Variants in OR2AP1 observed in about 807,000 individuals in gnomAD.
OR2AP1 encodes the protein olfactory receptor family 2 subfamily AP member 1.
Under a neutral mutation model 13.9 loss-of-function variants are expected in OR2AP1, and 20 were observed. The ratio of observed to expected loss-of-function variants is 1.44; its 90% CI spans 1.01 to 2.09. The LOEUF is 2.09. Ranked by LOEUF, OR2AP1 falls within the 30% of genes most tolerant of loss-of-function variation. The probability of loss-of-function intolerance (pLI) is 0.00; values close to 1 mark genes in which losing one functional copy is unlikely to be tolerated. For missense variants in OR2AP1, 490 were observed against 360.6 expected, an observed-to-expected ratio of 1.36 and a Z score of -2.91; for synonymous variants, 174 against 137.0, an observed-to-expected ratio of 1.27 and a Z score of -1.89.
At position 55,575,278 on chromosome 12, in the gene OR2AP1, C is replaced by T. The variant is rs1314737674; in HGVS notation, c.864C>T (p.Tyr288=). The T allele has an allele frequency of 3.2e-6, 5 of 1,540,290 alleles. No individual in the cohort carries two copies. In the Admixed American group the frequency reaches 5.8e-5, roughly 18 times the overall value. The stretch of plus-strand genomic sequence containing the variant: ...CTCCTTTGTTGAACCCCTTTATTTA[C>T]ACCCTAAGGAACCAACAGGTAAAAC... ...SVAPLLNPFI[Y]TLRNQQVKQP... is the part of the protein sequence containing the mutation. The change falls in exon 2 of 2, where the codon TAC becomes TAT. Residue 288 remains tyrosine (Y), a synonymous_variant. Coordinates refer to ENST00000641114, the MANE Select transcript of OR2AP1 (RefSeq NM_001258285.2).
In OR2AP1 at chr12:55,575,224, G is replaced by A. The variant is rs562165640; in HGVS notation, c.810G>A (p.Lys270=). The part of the protein sequence containing the change: ...PSAKEGDTFN[K]GVALLITSVA... Reference sequence around the variant, plus strand: ...CAAAAGAAGGGGATACATTCAACAAGGGAGTAGCTCTACTCATTACTTCAG... The same window carrying A: ...CAAAAGAAGGGGATACATTCAACAAAGGAGTAGCTCTACTCATTACTTCAG... The change falls in exon 2 of 2, where the codon AAG becomes AAA. Residue 270 remains lysine, a synonymous_variant. Coordinates refer to ENST00000641114, the MANE Select transcript of OR2AP1 (RefSeq NM_001258285.2). The A allele has an allele frequency of 2.9e-5, 45 of 1,578,428 alleles. No individual in the cohort carries two copies. The African/African-American group carries it at 5.0e-4, about 17-fold the overall frequency.
chr12:55,574,354 T>C lies in OR2AP1; in HGVS notation c.-61T>C. The C allele has an allele frequency of 2.4e-6, 2 of 840,242 alleles. No homozygotes were observed. Among genetic ancestry groups the C allele is most frequent in the Non-Finnish European group, 1.8e-6 (1 of 549,500 alleles). The allele number at this position is 840,242 out of a possible 1,614,324, so 52.0% of individuals were successfully genotyped here. A position where few individuals can be genotyped will look rare whatever the true frequency, so the allele number is the denominator to read the frequency against. Reference sequence around the variant, plus strand: ...CATCCGTTCATTTCAGAGCACCTCTTCCTTTCTCACTTTTGATTACTACTC... The same window carrying C: ...CATCCGTTCATTTCAGAGCACCTCTCCCTTTCTCACTTTTGATTACTACTC... On this transcript the variant is annotated 5_prime_UTR_variant, in exon 2 of 2. Transcript: ENST00000641114.
Position 55,574,857 on chromosome 12 carries a change from T to G in OR2AP1, c.443T>G (p.Leu148Arg). 6.4e-7 allele frequency: 1 copy of G among 1,568,990 alleles called. No homozygotes were observed. ...ICIQLIFCSW[L>R]GGLMAIIPTI... is the part of the protein sequence containing the mutation. Reference sequence around the variant, plus strand: ...ATCCAGCTGATTTTCTGCTCTTGGCTGGGTGGGCTAATGGCTATTATACCA... The same window carrying G: ...ATCCAGCTGATTTTCTGCTCTTGGCGGGGTGGGCTAATGGCTATTATACCA... The change falls in exon 2 of 2, where the codon CTG (leucine) becomes CGG (arginine). Residue 148 changes from leucine to arginine, a missense_variant. Leu to Arg is a moderately radical substitution (Grantham distance 102, BLOSUM62 -2). Coordinates refer to ENST00000641114, the MANE Select transcript of OR2AP1 (RefSeq NM_001258285.2).
In OR2AP1 at chr12:55,575,442, G is replaced by A; in HGVS notation, c.*98G>A. 3.1e-6 allele frequency: 2 copies of A among 652,564 alleles called. No individual in the cohort carries two copies. The highest frequency in any genetic ancestry group is 4.0e-5 in the South Asian group (2 of 50,108). The allele number at this position is 652,564 out of a possible 1,614,324, so 40.4% of individuals were successfully genotyped here. On this transcript the variant is annotated 3_prime_UTR_variant, in exon 2 of 2. Transcript: ENST00000641114. ...ATGATAGACTGGATTAAGAAAATAT[G>A]GCACATATACACCATGGAATACTAT...
At chr12:55,573,925 G>A (rs768671833) in intron 1 of OR2AP1, among the ~76,000 whole-genome samples, 9 of 152,020 alleles carry the variant, frequency 5.9e-5, no homozygotes, top group Non-Finnish European at 1.2e-4. Context: ...AGAAAAATGA[G>A]AAATTGCTAT....
rs752292621 is a variant in OR2AP1 at position 55,575,226 on chromosome 12, G to T, written c.812G>T (p.Gly271Val). 6.3e-7 allele frequency: 1 copy of T among 1,577,302 alleles called. No homozygotes were observed. The highest frequency in any genetic ancestry group is 8.6e-7 in the Non-Finnish European group (1 of 1,166,860). Residue 271 changes from glycine to valine, a missense_variant, in exon 2 of 2, where the codon GGA (glycine) becomes GTA (valine). By Grantham distance (109) the Gly-to-Val change is moderately radical. Coordinates refer to ENST00000641114, the MANE Select transcript of OR2AP1 (RefSeq NM_001258285.2). ...AAAGAAGGGGATACATTCAACAAGGGAGTAGCTCTACTCATTACTTCAGTT... is the reference window on the plus strand; with the variant it reads ...AAAGAAGGGGATACATTCAACAAGGTAGTAGCTCTACTCATTACTTCAGTT... ...SAKEGDTFNKGVALLITSVAP... is the reference protein window; with the variant it reads ...SAKEGDTFNKVVALLITSVAP...
rs528538550 is a variant in OR2AP1 at position 55,574,844 on chromosome 12, T to A, written c.430T>A (p.Phe144Ile). 1 of 1,584,722 alleles carries A rather than the reference T, an allele frequency of 6.3e-7. No homozygotes were observed. Among genetic ancestry groups the A allele is most frequent in the South Asian group, 1.1e-5 (1 of 87,498 alleles). The stretch of plus-strand genomic sequence containing the variant: ...CAGCAGAATCTGCATCCAGCTGATT[T>A]TCTGCTCTTGGCTGGGTGGGCTAAT... The part of the protein sequence containing the change: ...MSSRICIQLI[F>I]CSWLGGLMAI... The change falls in exon 2 of 2, where the codon TTC (phenylalanine) becomes ATC (isoleucine). Residue 144 changes from phenylalanine (F) to isoleucine (I), a missense_variant. Coordinates refer to ENST00000641114, the MANE Select transcript of OR2AP1 (RefSeq NM_001258285.2).
rs575853225 is a variant in OR2AP1, at chr12:55,574,785, T to G, written c.371T>G (p.Ile124Ser). ...ATGTCCTATGACCGCTATGTGGCCA[T>G]CTGCAAACCTCTGCATTACACCACC... is the stretch of plus-strand genomic sequence containing the variant. Reference protein sequence around the residue: ...AAMSYDRYVAICKPLHYTTIM... With the variant: ...AAMSYDRYVASCKPLHYTTIM... The change falls in exon 2 of 2, where the codon ATC becomes AGC. Residue 124 changes from isoleucine (I) to serine (S), a missense_variant. Transcript: ENST00000641114. The G allele has an allele frequency of 1.1e-5, 17 of 1,607,922 alleles. No individual in the cohort carries two copies. In the Admixed American group the frequency reaches 2.0e-4, roughly 19 times the overall value.
At position 55,575,117 on chromosome 12, in the gene OR2AP1, G is replaced by T. The variant is rs761550919; in HGVS notation, c.703G>T (p.Ala235Ser). 5 of 1,593,758 alleles carry T rather than the reference G, an allele frequency of 3.1e-6. No homozygotes were observed. The highest frequency in any genetic ancestry group is 4.3e-6 in the Non-Finnish European group (5 of 1,174,742). The stretch of plus-strand genomic sequence containing the variant: ...CCCCTCTGCCCAACAAAGGACAAAA[G>T]CCTTTTCCACATGTTCTTCCCACAT... ...KLPSAQQRTKAFSTCSSHMIV... is the reference protein window; with the variant it reads ...KLPSAQQRTKSFSTCSSHMIV... The change falls in exon 2 of 2, where the codon GCC (alanine) becomes TCC (serine). Residue 235 changes from alanine to serine, a missense_variant. Coordinates refer to ENST00000641114, the MANE Select transcript of OR2AP1 (RefSeq NM_001258285.2).
At position 55,575,225 on chromosome 12, in the gene OR2AP1, G is replaced by A. The variant is rs548431182; in HGVS notation, c.811G>A (p.Gly271Arg). 3.4e-5 allele frequency: 53 copies of A among 1,577,992 alleles called. No individual in the cohort carries two copies. Among genetic ancestry groups the A allele is most frequent in the East Asian group, 2.1e-4 (9 of 43,814 alleles). Residue 271 changes from glycine (G) to arginine (R), a missense_variant, in exon 2 of 2, where the codon GGA becomes AGA. Transcript: ENST00000641114. ...AAAAGAAGGGGATACATTCAACAAG[G>A]GAGTAGCTCTACTCATTACTTCAGT... is the stretch of plus-strand genomic sequence containing the variant. ...SAKEGDTFNK[G>R]VALLITSVAP...
Position 55,574,581 on chromosome 12 carries a change from C to A in OR2AP1, c.167C>A (p.Pro56His), listed in dbSNP as rs1171659637. The A allele has an allele frequency of 2.6e-6, 4 of 1,540,374 alleles. No individual in the cohort carries two copies. The highest frequency in any genetic ancestry group is 3.5e-6 in the Non-Finnish European group (4 of 1,148,454). The part of the protein sequence containing the change: ...LTLLDSHLQT[P>H]MYFFLRNFSF... ...TTGCTGGACTCCCACCTTCAGACTC[C>A]CATGTATTTCTTTCTCCGGAACTTC... Residue 56 changes from proline (P) to histidine (H), a missense_variant, in exon 2 of 2, where the codon CCC (proline) becomes CAC (histidine). Pro to His is a moderately conservative substitution (Grantham distance 77). Transcript: ENST00000641114.
chr12:55,574,598 C>T lies in OR2AP1; in HGVS notation c.184C>T (p.Arg62Trp), dbSNP rs779875070. The change falls in exon 2 of 2, where the codon CGG becomes TGG. Residue 62 changes from arginine (R) to tryptophan (W), a missense_variant. Transcript: ENST00000641114. ...HLQTPMYFFL[R>W]NFSFLEISFT... is the part of the protein sequence containing the mutation. ...TCAGACTCCCATGTATTTCTTTCTC[C>T]GGAACTTCTCCTTCTTGGAAATTTC... 41 of 1,540,544 alleles carry T rather than the reference C, an allele frequency of 2.7e-5. No homozygotes were observed. The highest frequency in any genetic ancestry group is 1.7e-4 in the Middle Eastern group (1 of 6,020).
At chr12:55,572,916 T>C (rs953966274) in intron 1 of OR2AP1, among the ~76,000 whole-genome samples, 1 of 152,146 alleles carries the variant, frequency 6.6e-6, no homozygotes, top group Non-Finnish European at 1.5e-5. Context: ...CTCACATCTG[T>C]AATCTCAGCA....
At position 55,575,073 on chromosome 12, in the gene OR2AP1, T is replaced by C. The variant is rs915322798; in HGVS notation, c.659T>C (p.Ile220Thr). The C allele has an allele frequency of 5.2e-6, 8 of 1,552,126 alleles. No individual in the cohort carries two copies. The highest frequency in any genetic ancestry group is 1.7e-4 in the Middle Eastern group (1 of 6,020). The change falls in exon 2 of 2, where the codon ATC becomes ACC. Residue 220 changes from isoleucine (I) to threonine (T), a missense_variant. Transcript: ENST00000641114. ...GTGATTCTCTCCTATGCATTCATTATCAAGACTATTCTGAAGCTCCCCTCT... is the reference window on the plus strand; with the variant it reads ...GTGATTCTCTCCTATGCATTCATTACCAAGACTATTCTGAAGCTCCCCTCT... Reference protein sequence around the residue: ...VLVILSYAFIIKTILKLPSAQ... With the variant: ...VLVILSYAFITKTILKLPSAQ...
At position 55,574,891 on chromosome 12, in the gene OR2AP1, C is replaced by A; in HGVS notation, c.477C>A (p.Thr159=). The part of the protein sequence containing the change: ...GGLMAIIPTI[T]LMSQQDFCAS... ...TAATGGCTATTATACCAACAATCAC[C>A]CTGATGAGTCAGCAGGACTTTTGTG... The change falls in exon 2 of 2, where the codon ACC becomes ACA. Residue 159 remains threonine, a synonymous_variant. Transcript: ENST00000641114. 5 of 1,545,794 alleles carry A rather than the reference C, an allele frequency of 3.2e-6. No individual in the cohort carries two copies. The highest frequency in any genetic ancestry group is 4.4e-6 in the Non-Finnish European group (5 of 1,149,084).
Position 55,574,812 on chromosome 12 carries a change from T to C in OR2AP1, c.398T>C (p.Ile133Thr). ...TGCAAACCTCTGCATTACACCACCATCATGAGCAGCAGAATCTGCATCCAG... is the reference window on the plus strand; with the variant it reads ...TGCAAACCTCTGCATTACACCACCACCATGAGCAGCAGAATCTGCATCCAG... ...AICKPLHYTT[I>T]MSSRICIQLI... Residue 133 changes from isoleucine (I) to threonine (T), a missense_variant, in exon 2 of 2, where the codon ATC becomes ACC. By Grantham distance (89) the Ile-to-Thr change is moderately conservative (BLOSUM62 -1). Coordinates refer to ENST00000641114, the MANE Select transcript of OR2AP1 (RefSeq NM_001258285.2). The C allele has an allele frequency of 1.2e-6, 2 of 1,606,490 alleles. No homozygotes were observed. The highest frequency in any genetic ancestry group is 1.7e-6 in the Non-Finnish European group (2 of 1,176,448).
intron 1 of OR2AP1, among the ~76,000 whole-genome samples, chr12:55,573,717 A>G (rs1874478245): frequency 6.6e-6 from 1 of 152,242 alleles, no homozygotes. Context: ...AATGTGTTTG[A>G]GGAAATATTC....
Position 55,574,386 on chromosome 12 carries a change from T to A in OR2AP1, c.-29T>A, listed in dbSNP as rs745835633. 1.6e-6 allele frequency: 2 copies of A among 1,243,620 alleles called. No individual in the cohort carries two copies. Among genetic ancestry groups the A allele is most frequent in the African/African-American group, 3.0e-5 (2 of 66,328 alleles). The allele number at this position is 1,243,620 out of a possible 1,614,324, so 77.0% of individuals were successfully genotyped here. A position where few individuals can be genotyped will look rare whatever the true frequency, so the allele number is the denominator to read the frequency against. On this transcript the variant is annotated 5_prime_UTR_variant, in exon 2 of 2. Coordinates refer to ENST00000641114, the MANE Select transcript of OR2AP1 (RefSeq NM_001258285.2). ...TCACTTTTGATTACTACTCTCTTTT[T>A]CACTTTGAGACTCAAAATTTTTTCA...
At position 55,574,360 on chromosome 12, in the gene OR2AP1, C is replaced by T; in HGVS notation, c.-55C>T. ...TTCATTTCAGAGCACCTCTTCCTTT[C>T]TCACTTTTGATTACTACTCTCTTTT... On this transcript the variant is annotated 5_prime_UTR_variant, in exon 2 of 2. Coordinates refer to ENST00000641114, the MANE Select transcript of OR2AP1 (RefSeq NM_001258285.2). 1.1e-6 allele frequency: 1 copy of T among 904,032 alleles called. No individual in the cohort carries two copies. Among genetic ancestry groups the T allele is most frequent in the Non-Finnish European group, 1.6e-6 (1 of 607,272 alleles). 56.0% of individuals were successfully genotyped at this position (904,032 alleles called of 1,614,324 possible).
Sources: allele counts gnomAD v4.1 joint callset (sites outside exome capture counted in the v4.1 genomes callset), GRCh38; gene constraint gnomAD v4.1.1; transcripts MANE v1.5; gene names NCBI Gene and HGNC (gene_info 2026-07-23, HGNC 2026-07-21).